TMOD2: variants seen among roughly 807,000 people sequenced by gnomAD.
The protein encoded by TMOD2 is tropomodulin-2.
A neutral mutation model predicts 39.9 loss-of-function variants in TMOD2; 22 were observed. The ratio of observed to expected loss-of-function variants is 0.55; its 90% CI spans 0.39 to 0.79. TMOD2 has a LOEUF of 0.79. TMOD2 is among the 30% of genes least tolerant of loss of function. The pLI is 0.00. For synonymous variants in TMOD2, 123 were observed against 146.1 expected (o/e 0.84, Z 1.14); for missense variants, 386 against 413.3 (o/e 0.93, Z 0.57).
chr15:51,783,792 T>A (rs1431987449), intron 7 of TMOD2: 2 of 150,450 alleles, frequency 1.3e-5, no homozygotes, highest in African/African-American at 4.9e-5. Context: ...GATAGATAGA[T>A]AAAAGAAAAA....
intron 1 of TMOD2, among the ~76,000 whole-genome samples, chr15:51,760,187 T>G (rs2055771134): frequency 6.6e-6 from 1 of 152,242 alleles, no homozygotes; most frequent in East Asian, 1.9e-4. Flanking sequence ...TGTAACAAAT[T>G]AGCATAAATC....
intron 8 of TMOD2, among the ~76,000 whole-genome samples, chr15:51,802,686 C>G (rs554129642): frequency 6.6e-5 from 10 of 152,314 alleles, no homozygotes; most frequent in South Asian, 6.2e-4. Context: ...TTGATACGGT[C>G]CCACTCTTCT....
intron 7 of TMOD2, among the ~76,000 whole-genome samples, chr15:51,796,337 G>T (rs1344941280): frequency 6.6e-6 from 1 of 152,158 alleles, no homozygotes; most frequent in Non-Finnish European, 1.5e-5. Context: ...GTAGAAGCCT[G>T]ACAAATAGTC....
At chr15:51,787,613 A>G (rs1264284363) in intron 7 of TMOD2, among the ~76,000 whole-genome samples, 1 of 152,178 alleles carries the variant, frequency 6.6e-6, no homozygotes, top group Non-Finnish European at 1.5e-5. Context: ...GCCGACAGAC[A>G]CCTCATACAG....
At chr15:51,760,449 T>C (rs1007021461) in intron 1 of TMOD2, among the ~76,000 whole-genome samples, 1 of 152,246 alleles carries the variant, frequency 6.6e-6, no homozygotes, top group Non-Finnish European at 1.5e-5. Context: ...TTCCATCTTT[T>C]AAGAGTCCTT....
intron 5 of TMOD2, among the ~76,000 whole-genome samples, chr15:51,778,507 TAA>T (rs34176952): frequency 7.2e-6 from 1 of 138,936 alleles, no homozygotes; most frequent in Non-Finnish European, 1.6e-5. Flanking sequence ...AATTAAAAAT[TAA>T]AAAAAAAAAA....
rs141712176 is a variant in TMOD2 at position 51,781,492 on chromosome 15, G to A, written c.624+318G>A. On this transcript the variant is annotated intron_variant, in intron 6 of 9. Transcript: ENST00000249700. Reference sequence around the variant, plus strand: ...CACAATTTTTCAGTGTCAGGAATCTGGTAGTGGCTAGCTGGATAGTGTGGC... The same window carrying A: ...CACAATTTTTCAGTGTCAGGAATCTAGTAGTGGCTAGCTGGATAGTGTGGC... 7.9e-3 allele frequency among the ~76,000 whole-genome samples: 1,202 copies of A among 152,344 alleles called. 19 individuals carry two copies. The highest frequency in any genetic ancestry group is 0.028 in the African/African-American group (1,145 of 41,574).
intron 7 of TMOD2, among the ~76,000 whole-genome samples, chr15:51,793,000 C>G (rs1266689811): frequency 1.3e-5 from 2 of 151,858 alleles, no homozygotes; most frequent in Non-Finnish European, 2.9e-5. Flanking sequence ...TAACCCAGAA[C>G]TTAAAGTATA....
intron 1 of TMOD2, among the ~76,000 whole-genome samples, chr15:51,754,984 T>G (rs989079833): frequency 1.3e-5 from 2 of 152,250 alleles, no homozygotes; most frequent in Non-Finnish European, 2.9e-5. Context: ...TAAGTATTTG[T>G]GCTTCACATT....
At chr15:51,754,573 A>G (rs2055729593) in intron 1 of TMOD2, among the ~76,000 whole-genome samples, 1 of 152,252 alleles carries the variant, frequency 6.6e-6, no homozygotes, top group African/African-American at 2.4e-5. Context: ...TTATGTATAC[A>G]TGAAAATACT....
intron 7 of TMOD2, among the ~76,000 whole-genome samples, chr15:51,786,564 G>C (rs2055971458): frequency 6.6e-6 from 1 of 152,214 alleles, no homozygotes; most frequent in Non-Finnish European, 1.5e-5. Context: ...CCATTTTACA[G>C]ATGAGGCAAC....
intron 8 of TMOD2, among the ~76,000 whole-genome samples, chr15:51,800,888 A>G (rs1334272933): frequency 6.6e-6 from 1 of 152,084 alleles, no homozygotes; most frequent in Non-Finnish European, 1.5e-5. Flanking sequence ...AAATTTTTGT[A>G]GAGACAGGGT....
chr15:51,798,616 G>A (rs922119251), intron 8 of TMOD2, among the ~76,000 whole-genome samples: 5 of 152,234 alleles, frequency 3.3e-5, no homozygotes, highest in African/African-American at 1.2e-4. Flanking sequence ...AAGCAAGGAG[G>A]TGGTGGCAGA....
chr15:51,754,168 C>T lies in TMOD2; in HGVS notation c.-70+2456C>T, dbSNP rs139163778. Among the ~76,000 whole-genome samples the T allele has an allele frequency of 7.4e-3, 1,124 of 152,232 alleles. 7 individuals are homozygous for T. The highest frequency in any genetic ancestry group is 0.014 in the Middle Eastern group (4 of 294). On this transcript the variant is annotated intron_variant, in intron 1 of 9. Coordinates refer to ENST00000249700, the MANE Select transcript of TMOD2 (RefSeq NM_014548.4). Reference sequence around the variant, plus strand: ...TTCAAAGTATTAGTAATTCTCCATACCTAAGAAATTCTAGCCCTACCCAAG... The same window carrying T: ...TTCAAAGTATTAGTAATTCTCCATATCTAAGAAATTCTAGCCCTACCCAAG...
At chr15:51,763,721 C>A (rs1467764540) in intron 1 of TMOD2, among the ~76,000 whole-genome samples, 2 of 152,166 alleles carry the variant, frequency 1.3e-5, no homozygotes, top group East Asian at 3.9e-4. Flanking sequence ...CTTCCAAGAC[C>A]TTTACATCCA....
intron 1 of TMOD2, among the ~76,000 whole-genome samples, chr15:51,752,040 C>T (rs1233371116): frequency 6.6e-6 from 1 of 151,940 alleles, no homozygotes; most frequent in African/African-American, 2.4e-5. Flanking sequence ...TCCCGGGCTG[C>T]GGGGCTGTGT....
rs905725190 is a variant in TMOD2 at position 51,810,982 on chromosome 15, T to G, written c.*2528T>G. 11 of 152,208 alleles carry G rather than the reference T, an allele frequency of 7.2e-5. No homozygotes were observed. Among genetic ancestry groups the G allele is most frequent in the Non-Finnish European group, 1.5e-4 (10 of 68,038 alleles). The allele number at this position is 152,208 out of a possible 1,614,324, so 9.4% of individuals were successfully genotyped here. A position where few individuals can be genotyped will look rare whatever the true frequency, so the allele number is the denominator to read the frequency against. The stretch of plus-strand genomic sequence containing the variant: ...AGATAATGGGACATTATCAAAAATA[T>G]AGCACTGTTTTTACCTTATGAAATA... On this transcript the variant is annotated 3_prime_UTR_variant, in exon 10 of 10. Coordinates refer to ENST00000249700, the MANE Select transcript of TMOD2 (RefSeq NM_014548.4).
intron 7 of TMOD2, among the ~76,000 whole-genome samples, chr15:51,791,826 C>G (rs1395667517): frequency 6.6e-6 from 1 of 152,204 alleles, no homozygotes; most frequent in Admixed American, 6.5e-5. Flanking sequence ...AAACTGGACC[C>G]TTTCCTTACA....
At chr15:51,754,474 G>A (rs556308818) in intron 1 of TMOD2, among the ~76,000 whole-genome samples, 5 of 152,300 alleles carry the variant, frequency 3.3e-5, no homozygotes, top group South Asian at 2.1e-4. Context: ...ACCAGACCAC[G>A]AAAACAGAAT....
Sources: allele counts gnomAD v4.1 joint callset (sites outside exome capture counted in the v4.1 genomes callset), GRCh38; gene constraint gnomAD v4.1.1; transcripts MANE v1.5; gene names NCBI Gene and HGNC (gene_info 2026-07-23, HGNC 2026-07-21).